LMBR1: variants seen among roughly 807,000 people sequenced by gnomAD.
The protein encoded by LMBR1 is limb region 1 protein homolog.
In LMBR1, 52 loss-of-function variants were observed where a neutral mutation model predicts 73.9. That is an observed-to-expected ratio of 0.70 (90% CI 0.56 to 0.89). The LOEUF (loss-of-function observed/expected upper bound fraction) is 0.89. Ranked by LOEUF, LMBR1 falls within the 40% of genes least tolerant of loss-of-function variation. The pLI is 0.00. For missense variants in LMBR1, 539 were observed against 579.8 expected, an observed-to-expected ratio of 0.93 and a Z score of 0.72; for synonymous variants, 215 against 209.4, an observed-to-expected ratio of 1.03 and a Z score of -0.23.
chr7:156,774,820 G>A (rs1045747831), intron 5 of LMBR1, among the ~76,000 whole-genome samples: 2 of 151,892 alleles, frequency 1.3e-5, no homozygotes, highest in Non-Finnish European at 2.9e-5. Context: ...TGACAAGAGC[G>A]AGACTCCATC....
intron 1 of LMBR1, among the ~76,000 whole-genome samples, chr7:156,846,869 G>C (rs1417524044): frequency 6.6e-6 from 1 of 152,172 alleles, no homozygotes; most frequent in Admixed American, 6.5e-5. Context: ...ATAAGAGTTT[G>C]AGGTAATGGA....
At chr7:156,751,551 C>T (rs949428479) in intron 9 of LMBR1, among the ~76,000 whole-genome samples, 1 of 152,062 alleles carries the variant, frequency 6.6e-6, no homozygotes, top group Admixed American at 6.6e-5. Flanking sequence ...GTCAGAGACT[C>T]TCTCTGACTC....
Position 156,857,587 on chromosome 7 carries a change from G to A in LMBR1, c.67-20702C>T, listed in dbSNP as rs148787987. On this transcript the variant is annotated intron_variant, in intron 1 of 16. Coordinates refer to ENST00000353442, the MANE Select transcript of LMBR1 (RefSeq NM_022458.4). ...GTAAGGGTACATAGTTGAACTGAAC[G>A]GCATCATCTATCAACTGGATCTAAT... Among the ~76,000 whole-genome samples, 1,240 of 152,194 alleles carry A rather than the reference G, an allele frequency of 8.1e-3. 7 individuals are homozygous for A. The highest frequency in any genetic ancestry group is 0.024 in the Middle Eastern group (7 of 294).
At chr7:156,864,760 G>T (rs374407157) in intron 1 of LMBR1, among the ~76,000 whole-genome samples, 2 of 152,012 alleles carry the variant, frequency 1.3e-5, no homozygotes, top group South Asian at 4.1e-4. Flanking sequence ...ACTTTGGGAG[G>T]CCCGACACGG....
At chr7:156,886,518 C>A (rs1430585068) in intron 1 of LMBR1, among the ~76,000 whole-genome samples, 1 of 152,222 alleles carries the variant, frequency 6.6e-6, no homozygotes, top group Non-Finnish European at 1.5e-5. Flanking sequence ...CCTCTGTAAA[C>A]TGGCCAGAAC....
intron 15 of LMBR1, among the ~76,000 whole-genome samples, chr7:156,695,349 T>C (rs1245370549): frequency 6.6e-6 from 1 of 152,198 alleles, no homozygotes; most frequent in Non-Finnish European, 1.5e-5. Flanking sequence ...CACACTGCTA[T>C]AAAGAAATAC....
intron 1 of LMBR1, among the ~76,000 whole-genome samples, chr7:156,844,497 AAAAG>A (rs987204248): frequency 2.6e-5 from 4 of 152,134 alleles, no homozygotes; most frequent in African/African-American, 7.2e-5. Context: ...TGAGTGAAAT[AAAAG>A]AAAGCTATAA....
chr7:156,877,269 T>C (rs1260007615), intron 1 of LMBR1, among the ~76,000 whole-genome samples: 2 of 151,166 alleles, frequency 1.3e-5, no homozygotes, highest in Non-Finnish European at 3.0e-5. Flanking sequence ...ATTTTAAAAA[T>C]TACCAAAAAA....
At chr7:156,878,043 G>A (rs1268157671) in intron 1 of LMBR1, among the ~76,000 whole-genome samples, 1 of 151,950 alleles carries the variant, frequency 6.6e-6, no homozygotes, top group African/African-American at 2.4e-5. Context: ...TACATACAAG[G>A]GACATATCTC....
intron 5 of LMBR1, among the ~76,000 whole-genome samples, chr7:156,788,437 G>A (rs1224083492): frequency 6.6e-6 from 1 of 151,820 alleles, no homozygotes; most frequent in Non-Finnish European, 1.5e-5. Context: ...ATCCATTATA[G>A]GCATTAGTTA....
At chr7:156,694,375 C>T (rs950002245) in intron 15 of LMBR1, among the ~76,000 whole-genome samples, 1 of 151,192 alleles carries the variant, frequency 6.6e-6, no homozygotes, top group Non-Finnish European at 1.5e-5. Flanking sequence ...TCAAGCTATC[C>T]ACCCACCTTG....
At chr7:156,772,571 G>T (rs1825398024) in intron 5 of LMBR1, among the ~76,000 whole-genome samples, 1 of 152,076 alleles carries the variant, frequency 6.6e-6, no homozygotes, top group Non-Finnish European at 1.5e-5. Flanking sequence ...TAAAAGGCTG[G>T]GTGTGGTGGC....
intron 6 of LMBR1, among the ~76,000 whole-genome samples, 192 bp from the exon 7 acceptor site, chr7:156,763,368 C>T (rs1348604046): frequency 1.3e-5 from 2 of 151,534 alleles, no homozygotes; most frequent in Non-Finnish European, 2.9e-5. Flanking sequence ...CAAGAAGTAA[C>T]CCTTTAGCAA....
chr7:156,686,827 C>T lies in LMBR1; in HGVS notation c.1387+1203G>A, dbSNP rs190717391. 3.3e-5 allele frequency among the ~76,000 whole-genome samples: 5 copies of T among 152,292 alleles called. No homozygotes were observed. In the South Asian group the frequency reaches 1.0e-3, roughly 32 times the overall value. On this transcript the variant is annotated intron_variant, in intron 16 of 16. Transcript: ENST00000353442. ...CTAATCTTGCTGATATTATAACAGG[C>T]TTAAAAATTAAGTTTTAATGCTAGA... is the stretch of plus-strand genomic sequence containing the variant.
intron 1 of LMBR1, among the ~76,000 whole-genome samples, chr7:156,838,994 C>T (rs1183779787): frequency 6.6e-6 from 1 of 151,182 alleles, no homozygotes; most frequent in Non-Finnish European, 1.5e-5. Flanking sequence ...TTTTCATATA[C>T]CTATTGGCCA....
chr7:156,873,659 A>C (rs1321259397), intron 1 of LMBR1, among the ~76,000 whole-genome samples: 1 of 152,142 alleles, frequency 6.6e-6, no homozygotes, highest in African/African-American at 2.4e-5. Context: ...TTCCACACAC[A>C]GGTTCTCCAA....
intron 5 of LMBR1, among the ~76,000 whole-genome samples, chr7:156,783,224 T>C (rs1230855202): frequency 6.6e-6 from 1 of 152,216 alleles, no homozygotes; most frequent in Non-Finnish European, 1.5e-5. Context: ...AAAAGTGAAG[T>C]GCAGTGGTAC....
chr7:156,692,459 G>C (rs919694741), intron 15 of LMBR1, among the ~76,000 whole-genome samples: 1 of 152,102 alleles, frequency 6.6e-6, no homozygotes, highest in Admixed American at 6.5e-5. Context: ...TTGACTTCAG[G>C]CTCCAGCCTA....
intron 1 of LMBR1, among the ~76,000 whole-genome samples, chr7:156,853,849 CTTCATCATG>C (rs1796578471): frequency 6.6e-6 from 1 of 151,602 alleles, no homozygotes; most frequent in Non-Finnish European, 1.5e-5. Context: ...AGAGATGGGG[CTTCATCATG>C]TTGGCCAGGC....
Sources: gnomAD v4.1 joint callset for allele counts (sites outside exome capture counted in the v4.1 genomes callset) on GRCh38, gnomAD v4.1.1 for gene constraint, MANE v1.5 for transcripts, NCBI Gene and HGNC (gene_info 2026-07-23, HGNC 2026-07-21) for gene names.